SCAPER: variants seen among roughly 807,000 people sequenced by gnomAD.
The protein encoded by SCAPER is S phase cyclin A-associated protein in the endoplasmic reticulum.
In SCAPER, 98 loss-of-function variants were observed where a neutral mutation model predicts 182.2. That is an observed-to-expected ratio of 0.54 (90% CI 0.46 to 0.64). The LOEUF is 0.64. Ranked by LOEUF, SCAPER falls within the 30% of genes least tolerant of loss-of-function variation. The probability of loss-of-function intolerance (pLI) is 0.00; values close to 1 mark genes in which losing one functional copy is unlikely to be tolerated. For missense variants in SCAPER, 1,432 were observed against 1,690.0 expected (o/e 0.85, Z 2.68); for synonymous variants, 605 against 564.6 (o/e 1.07, Z -1.01).
At chr15:76,818,813 G>C (rs1295028500) in intron 5 of SCAPER, among the ~76,000 whole-genome samples, 1 of 152,264 alleles carries the variant, frequency 6.6e-6, no homozygotes, top group Middle Eastern at 3.2e-3. Context: ...GGAAGCCCAA[G>C]GGGTCAGGGA....
chr15:76,396,941 G>A (rs1354277292), intron 27 of SCAPER, among the ~76,000 whole-genome samples: 1 of 150,750 alleles, frequency 6.6e-6, no homozygotes. Flanking sequence ...GATACTAGCT[G>A]TGGGTCTGTC....
chr15:76,547,331 T>C (rs1208042780), intron 23 of SCAPER, among the ~76,000 whole-genome samples: 1 of 152,196 alleles, frequency 6.6e-6, no homozygotes, highest in Non-Finnish European at 1.5e-5. Flanking sequence ...GATTTCTTTT[T>C]CTATGGCTTT....
At chr15:76,783,368 T>G (rs1297806272) in intron 8 of SCAPER, among the ~76,000 whole-genome samples, 2 of 151,948 alleles carry the variant, frequency 1.3e-5, no homozygotes, top group Non-Finnish European at 2.9e-5. Flanking sequence ...CAACAGCAGG[T>G]TCTGAAATTG....
chr15:76,731,830 C>T (rs1388432358), intron 16 of SCAPER, among the ~76,000 whole-genome samples: 5 of 152,160 alleles, frequency 3.3e-5, no homozygotes, highest in Admixed American at 2.6e-4. Context: ...AGGAAATTCC[C>T]TACTAGTTTA....
chr15:76,643,347 T>C (rs577924514), intron 21 of SCAPER, among the ~76,000 whole-genome samples: 1 of 152,220 alleles, frequency 6.6e-6, no homozygotes, highest in East Asian at 1.9e-4. Context: ...CTTCCTCACA[T>C]GAATAACTTA....
chr15:76,788,103 G>C (rs2064745856), intron 8 of SCAPER, among the ~76,000 whole-genome samples: 1 of 152,164 alleles, frequency 6.6e-6, no homozygotes, highest in South Asian at 2.1e-4. Flanking sequence ...AGTCATTAAA[G>C]AAATGCAAAT....
At chr15:76,399,120 A>G (rs2044279897) in intron 27 of SCAPER, among the ~76,000 whole-genome samples, 1 of 152,176 alleles carries the variant, frequency 6.6e-6, no homozygotes, top group African/African-American at 2.4e-5. Context: ...AACTGTTAAC[A>G]GTAAAGGCCA....
At chr15:76,673,502 A>T (rs1336350038) in intron 20 of SCAPER, among the ~76,000 whole-genome samples, 1 of 152,142 alleles carries the variant, frequency 6.6e-6, no homozygotes, top group Non-Finnish European at 1.5e-5. Flanking sequence ...AGGATAGAGT[A>T]AATATGGTTA....
rs139127409 is a variant in SCAPER at position 76,789,229 on chromosome 15, ATAATG to A, written c.772+6046_772+6050del. 8.0e-3 allele frequency among the ~76,000 whole-genome samples: 1,214 copies of A among 152,282 alleles called. 11 individuals are homozygous for A. Among genetic ancestry groups the A allele is most frequent in the African/African-American group, 0.028 (1,150 of 41,554 alleles). On this transcript the variant is annotated intron_variant, in intron 8 of 31. Coordinates refer to ENST00000563290, the MANE Select transcript of SCAPER (RefSeq NM_020843.4). ...TTTATGCTTTATCCTTTAAATACATATAATGTAAATTAAAACAAAAATCGTAAGAT... is the reference window on the plus strand; with the variant it reads ...TTTATGCTTTATCCTTTAAATACATATAAATTAAAACAAAAATCGTAAGAT...
intron 29 of SCAPER, among the ~76,000 whole-genome samples, chr15:76,358,943 G>A (rs1001720970): frequency 6.6e-6 from 1 of 152,150 alleles, no homozygotes; most frequent in Non-Finnish European, 1.5e-5. Flanking sequence ...CTGGGCTCTA[G>A]GTCTGGCTCT....
chr15:76,414,115 A>C lies in SCAPER; in HGVS notation c.3312-9436T>G, dbSNP rs534086979. 2.6e-5 allele frequency among the ~76,000 whole-genome samples: 4 copies of C among 152,162 alleles called. No homozygotes were observed. In the East Asian group the frequency reaches 7.7e-4, roughly 29 times the overall value. On this transcript the variant is annotated intron_variant, in intron 26 of 31. Transcript: ENST00000563290. The stretch of plus-strand genomic sequence containing the variant: ...TGTTCACGAGGAATGTTGATCTGTA[A>C]TTTTATTTTTTGGAATATCCTTGTC...
At chr15:76,834,957 A>T (rs2068805224) in intron 5 of SCAPER, among the ~76,000 whole-genome samples, 1 of 152,184 alleles carries the variant, frequency 6.6e-6, no homozygotes, top group Non-Finnish European at 1.5e-5. Context: ...TTCACAGCGG[A>T]ATTCCATCAG....
intron 15 of SCAPER, among the ~76,000 whole-genome samples, chr15:76,747,809 G>C (rs1019278177): frequency 1.3e-5 from 2 of 152,028 alleles, no homozygotes; most frequent in Non-Finnish European, 2.9e-5. Flanking sequence ...ACCAAAAGTA[G>C]ATGATGGTGC....
intron 20 of SCAPER, among the ~76,000 whole-genome samples, chr15:76,680,478 C>T (rs1331053185): frequency 6.6e-6 from 1 of 151,366 alleles, no homozygotes; most frequent in African/African-American, 2.4e-5. Context: ...GAAAACCTAA[C>T]AATCCTTAGC....
At chr15:76,683,431 A>T (rs2057847448) in intron 20 of SCAPER, among the ~76,000 whole-genome samples, 1 of 152,178 alleles carries the variant, frequency 6.6e-6, no homozygotes, top group South Asian at 2.1e-4. Flanking sequence ...CAATGATGCC[A>T]TGGCATCCCT....
At chr15:76,420,235 CTTTTTTTTT>C (rs71143323) in intron 26 of SCAPER, among the ~76,000 whole-genome samples, 2 of 116,912 alleles carry the variant, frequency 1.7e-5, no homozygotes, top group African/African-American at 6.6e-5. Flanking sequence ...ATGTTTTTTC[CTTTTTTTTT>C]TTTTTTTTTT....
chr15:76,563,198 T>A (rs2046776701), intron 23 of SCAPER, among the ~76,000 whole-genome samples: 2 of 152,208 alleles, frequency 1.3e-5, no homozygotes, highest in Non-Finnish European at 2.9e-5. Flanking sequence ...ATTTCTCAAT[T>A]AGTAGTCACT....
At chr15:76,427,577 C>A (rs2046524584) in intron 26 of SCAPER, among the ~76,000 whole-genome samples, 1 of 152,020 alleles carries the variant, frequency 6.6e-6, no homozygotes, top group African/African-American at 2.4e-5. Flanking sequence ...TGGGTACAGT[C>A]ACACATGCTT....
chr15:76,603,624 TG>T (rs962725649), intron 22 of SCAPER, among the ~76,000 whole-genome samples: 3 of 122,148 alleles, frequency 2.5e-5, no homozygotes, highest in African/African-American at 7.5e-5. Context: ...CCACAATGGT[TG>T]AACTAGTTTG....
Sources: gnomAD v4.1 joint callset for allele counts (sites outside exome capture counted in the v4.1 genomes callset) on GRCh38, gnomAD v4.1.1 for gene constraint, MANE v1.5 for transcripts, NCBI Gene and HGNC (gene_info 2026-07-23, HGNC 2026-07-21) for gene names.